OR11A1: variants seen among roughly 807,000 people sequenced by gnomAD.
OR11A1 encodes olfactory receptor family 11 subfamily A member 1, also known as olfactory receptor 11A1.
For synonymous variants in OR11A1, 158 were observed against 152.2 expected, an observed-to-expected ratio of 1.04 and a Z score of -0.28; for missense variants, 380 against 378.2, an observed-to-expected ratio of 1.00 and a Z score of -0.04.
chr6:29,425,548 A>T lies in OR11A1; in HGVS notation c.*1146T>A, dbSNP rs1431483521. ...AATGTCTTTATTAGTCACAGATTAT[A>T]CTAAATACATATGTGGAATATGTAC... is the stretch of plus-strand genomic sequence containing the variant. On this transcript the variant is annotated 3_prime_UTR_variant, in exon 5 of 5. Transcript: ENST00000377149. 1 of 152,220 alleles carries T rather than the reference A, an allele frequency of 6.6e-6. No homozygotes were observed. Among genetic ancestry groups the T allele is most frequent in the African/African-American group, 2.4e-5 (1 of 41,454 alleles). The allele number at this position is 152,220 out of a possible 1,614,324, so 9.4% of individuals were successfully genotyped here. A position where few individuals can be genotyped will look rare whatever the true frequency, so the allele number is the denominator to read the frequency against.
At position 29,427,196 on chromosome 6, in the gene OR11A1, G is replaced by T. The variant is rs758258879; in HGVS notation, c.446C>A (p.Thr149Asn). 2 of 1,613,076 alleles carry T rather than the reference G, an allele frequency of 1.2e-6. No individual in the cohort carries two copies. The highest frequency in any genetic ancestry group is 4.5e-5 in the East Asian group (2 of 44,876). The stretch of plus-strand genomic sequence containing the variant: ...ATCTACCACAAATCCAGAGAGCCAG[G>T]TTGTGACCACCAGCCCCATGTACCG... ...PRRYMGLVVTTWLSGFVVDGL... is the reference protein window; with the variant it reads ...PRRYMGLVVTNWLSGFVVDGL... Residue 149 changes from threonine (T) to asparagine (N), a missense_variant, in exon 5 of 5, where the codon ACC becomes AAC. Coordinates refer to ENST00000377149, the MANE Select transcript of OR11A1 (RefSeq NM_001394828.1).
intron 1 of OR11A1, 158 bp from the exon 2 acceptor site, chr6:29,432,145 T>G (rs1314980319): frequency 3.1e-6 from 1 of 324,898 alleles, no homozygotes; most frequent in African/African-American, 2.2e-5. Context: ...GGCAGGAAAT[T>G]GCCACAAAGG....
At chr6:29,448,056 G>A (rs6907565) in intron 1 of OR11A1, among the ~76,000 whole-genome samples, 3,846 of 119,888 alleles carry the variant, frequency 0.032, 121 homozygotes, top group African/African-American at 0.094. Context: ...TAGCTCTGTC[G>A]CCCAGGCTGG....
chr6:29,446,690 T>C (rs1436291466), intron 1 of OR11A1, among the ~76,000 whole-genome samples: 1 of 152,124 alleles, frequency 6.6e-6, no homozygotes, highest in East Asian at 1.9e-4. Flanking sequence ...AGCACAGAAG[T>C]TAAAAGTCAT....
chr6:29,449,982 G>A (rs527755137), intron 1 of OR11A1, among the ~76,000 whole-genome samples: 5 of 152,286 alleles, frequency 3.3e-5, no homozygotes, highest in African/African-American at 7.2e-5. Flanking sequence ...CTCACAAAAC[G>A]AGAAGCTGCT....
chr6:29,444,409 G>T (rs936265913), intron 1 of OR11A1, among the ~76,000 whole-genome samples: 3 of 152,134 alleles, frequency 2.0e-5, no homozygotes, highest in Non-Finnish European at 4.4e-5. Context: ...TTGAAGACAT[G>T]GGTTGTGATC....
chr6:29,426,640 A>C lies in OR11A1; in HGVS notation c.*54T>G. The C allele has an allele frequency of 8.0e-6, 11 of 1,383,578 alleles. No individual in the cohort carries two copies. Among genetic ancestry groups the C allele is most frequent in the Non-Finnish European group, 1.0e-5 (10 of 1,004,614 alleles). 85.7% of individuals were successfully genotyped at this position (1,383,578 alleles called of 1,614,324 possible). A position where few individuals can be genotyped will look rare whatever the true frequency, so the allele number is the denominator to read the frequency against. ...TTACTCCTCTCCAACCCATCCTGGA[A>C]GAGTCCCCAGTGGAGGTGTCCGAAG... On this transcript the variant is annotated 3_prime_UTR_variant, in exon 5 of 5. Coordinates refer to ENST00000377149, the MANE Select transcript of OR11A1 (RefSeq NM_001394828.1).
In OR11A1 at chr6:29,426,236, G is replaced by A. The variant is rs1782787395; in HGVS notation, c.*458C>T. On this transcript the variant is annotated 3_prime_UTR_variant, in exon 5 of 5. Coordinates refer to ENST00000377149, the MANE Select transcript of OR11A1 (RefSeq NM_001394828.1). Reference sequence around the variant, plus strand: ...TAAATAATTTTGATTATTTGACATGGATGGAATTGGAGGCTACTATCCTTC... The same window carrying A: ...TAAATAATTTTGATTATTTGACATGAATGGAATTGGAGGCTACTATCCTTC... The A allele has an allele frequency of 6.4e-6, 1 of 156,364 alleles. No individual in the cohort carries two copies. The highest frequency in any genetic ancestry group is 1.4e-5 in the Non-Finnish European group (1 of 70,844). 9.7% of individuals were successfully genotyped at this position (156,364 alleles called of 1,614,324 possible).
chr6:29,456,168 TC>T (rs1487419748), intron 1 of OR11A1, among the ~76,000 whole-genome samples: 1 of 149,734 alleles, frequency 6.7e-6, no homozygotes, highest in East Asian at 2.0e-4. Flanking sequence ...AGGCGGAGGT[TC>T]CAGTGAGCCG....
chr6:29,452,935 G>T (rs1312461089), intron 1 of OR11A1, among the ~76,000 whole-genome samples: 2 of 151,604 alleles, frequency 1.3e-5, no homozygotes, highest in Non-Finnish European at 2.9e-5. Context: ...TATATTACAA[G>T]GGTTGTAACA....
At position 29,431,863 on chromosome 6, in the gene OR11A1, C is replaced by A; in HGVS notation, c.-265+1G>T. The A allele has an allele frequency of 2.0e-6, 2 of 985,304 alleles. No individual in the cohort carries two copies. The highest frequency in any genetic ancestry group is 2.4e-6 in the Non-Finnish European group (2 of 829,888). The allele number at this position is 985,304 out of a possible 1,614,324, so 61.0% of individuals were successfully genotyped here. ...AAAGAATTTTACAAAAATAAACGTA[C>A]CCGAAATATCGACCCTGTTCTCTAA... On this transcript the variant is annotated splice_donor_variant, in intron 2 of 4. Transcript: ENST00000377149. LOFTEE classifies it low-confidence loss of function (5UTR_SPLICE).
chr6:29,428,992 AT>A, intron 3 of OR11A1, 32 bp from the exon 4 acceptor site: 1 of 818,410 alleles, frequency 1.2e-6, no homozygotes, highest in Non-Finnish European at 1.5e-6. Context: ...ACAGGGAATG[AT>A]TAGAAACAGT....
chr6:29,427,702 A>G lies in OR11A1; in HGVS notation c.-61T>C. 1.3e-6 allele frequency: 2 copies of G among 1,551,068 alleles called. No individual in the cohort carries two copies. Among genetic ancestry groups the G allele is most frequent in the Non-Finnish European group, 8.7e-7 (1 of 1,149,794 alleles). On this transcript the variant is annotated 5_prime_UTR_variant, in exon 5 of 5. The change abolishes an upstream ATG in the 5' untranslated region. Coordinates refer to ENST00000377149, the MANE Select transcript of OR11A1 (RefSeq NM_001394828.1). ...GGGAGAAATTTTAGCATGTCTCTGC[A>G]TCTTCTATACCAAGCCTAACGTTAT...
At chr6:29,440,215 C>T (rs1455967018) in intron 1 of OR11A1, 1 of 1,613,946 alleles carries the variant, frequency 6.2e-7, no homozygotes, top group Non-Finnish European at 8.5e-7. Context: ...ACCCTCTCGG[C>T]CTTGGAGATT....
At chr6:29,455,931 C>T (rs904772183) in intron 1 of OR11A1, among the ~76,000 whole-genome samples, 1 of 123,362 alleles carries the variant, frequency 8.1e-6, no homozygotes, top group African/African-American at 2.9e-5. Flanking sequence ...ACATATACAA[C>T]AAAAAATTTT....
chr6:29,427,495 T>C lies in OR11A1; in HGVS notation c.147A>G (p.Val49=), dbSNP rs149866983. The C allele has an allele frequency of 2.2e-4, 356 of 1,612,930 alleles. No individual in the cohort carries two copies. The highest frequency in any genetic ancestry group is 2.9e-4 in the Non-Finnish European group (341 of 1,180,034). The change falls in exon 5 of 5, where the codon GTA becomes GTG. Residue 49 remains valine (V), a synonymous_variant. Transcript: ENST00000377149. The part of the protein sequence containing the change: ...FIIIGNMLII[V]AVVSSQRLHK... ...GGAGCCTCTGGGAGCTAACCACTGC[T>C]ACAATAATCAGCATATTCCCTATGA...
chr6:29,444,999 A>G (rs1784584425), intron 1 of OR11A1, among the ~76,000 whole-genome samples: 1 of 151,786 alleles, frequency 6.6e-6, no homozygotes, highest in Non-Finnish European at 1.5e-5. Flanking sequence ...TACCAGAAGT[A>G]TCCTCATTCT....
At chr6:29,431,517 G>A (rs547359754) in intron 2 of OR11A1, among the ~76,000 whole-genome samples, 2 of 152,196 alleles carry the variant, frequency 1.3e-5, no homozygotes, top group South Asian at 2.1e-4. Flanking sequence ...AGGGTGTCTC[G>A]CTTCTTCCTA....
At chr6:29,448,688 C>A (rs1255531021) in intron 1 of OR11A1, among the ~76,000 whole-genome samples, 1 of 152,186 alleles carries the variant, frequency 6.6e-6, no homozygotes, top group Non-Finnish European at 1.5e-5. Context: ...ATTCTTATTC[C>A]TTTTCAAGCC....
Sources: allele counts gnomAD v4.1 joint callset (sites outside exome capture counted in the v4.1 genomes callset), GRCh38; gene constraint gnomAD v4.1.1; transcripts MANE v1.5; gene names NCBI Gene and HGNC (gene_info 2026-07-23, HGNC 2026-07-21).